OGG1: variants seen among roughly 807,000 people sequenced by gnomAD.
The protein encoded by OGG1 is 8-oxoguanine DNA glycosylase.
A neutral mutation model predicts 42.3 loss-of-function variants in OGG1; 35 were observed. The ratio of observed to expected loss-of-function variants is 0.83; its 90% confidence interval spans 0.63 to 1.10. The LOEUF is 1.10. Among genes scored for constraint, OGG1 ranks in the 50% least tolerant of loss-of-function variants. OGG1 has a pLI of 0.00. For synonymous variants in OGG1, 189 were observed against 179.0 expected (o/e 1.06, Z -0.44); for missense variants, 484 against 446.7 (o/e 1.08, Z -0.75).
chr3:9,757,075 C>T lies in OGG1; in HGVS notation c.963C>T (p.Ala321=), dbSNP rs543431379. 45 of 1,614,096 alleles carry T rather than the reference C, an allele frequency of 2.8e-5. No individual in the cohort carries two copies. The highest frequency in any genetic ancestry group is 9.9e-5 in the South Asian group (9 of 91,082). ...CCCTCCTACAGGTGCTGTTCAGTGC[C>T]GACCTGCGCCAATCCCGCCATGCTC... ...AGWAQAVLFS[A]DLRQSRHAQE... is the part of the protein sequence containing the mutation. Residue 321 remains alanine, a synonymous_variant, in exon 7 of 7, where the codon GCC becomes GCT. Coordinates refer to ENST00000344629, the MANE Select transcript of OGG1 (RefSeq NM_002542.6). This position sits in a 1 kb window ranked among gnomAD's most constrained non-coding sequence, Gnocchi z 4.5.
In OGG1 at chr3:9,750,059, A is replaced by G. The variant is rs1454248963; in HGVS notation, c.-228A>G. The G allele has an allele frequency of 1.7e-6, 1 of 600,164 alleles. No homozygotes were observed. Among genetic ancestry groups the G allele is most frequent in the East Asian group, 2.8e-5 (1 of 35,722 alleles). 37.2% of individuals were successfully genotyped at this position (600,164 alleles called of 1,614,324 possible). On this transcript the variant is annotated 5_prime_UTR_variant, in exon 1 of 7. Coordinates refer to ENST00000344629, the MANE Select transcript of OGG1 (RefSeq NM_002542.6). ...GTCGCAAGGAGGGGGCGGGACCTAC[A>G]CCTCAGGAAAGCCGGAGAATTGGGG...
chr3:9,765,682 C>T, intron 7 of OGG1: 1 of 1,525,562 alleles, frequency 6.6e-7, no homozygotes, highest in Non-Finnish European at 9.0e-7. Flanking sequence ...AATGATTTGT[C>T]CAAAGCAGGA....
downstream of OGG1, chr3:9,760,017 T>C (rs2077774933): frequency 5.2e-6 from 2 of 382,642 alleles, no homozygotes; most frequent in South Asian, 5.7e-5. Context: ...CCAATGCAGG[T>C]GGATCACGAG....
At chr3:9,776,976 GA>G (rs533234495) in intron 2 of OGG1, among the ~76,000 whole-genome samples, 75 of 152,312 alleles carry the variant, frequency 4.9e-4, no homozygotes, top group African/African-American at 1.8e-3. Context: ...CCCAGGCCAA[GA>G]AATAAATTTA....
downstream of OGG1, among the ~76,000 whole-genome samples, chr3:9,767,255 G>A (rs1309034421): frequency 6.6e-6 from 1 of 152,096 alleles, no homozygotes; most frequent in Non-Finnish European, 1.5e-5. Flanking sequence ...CACACACCCT[G>A]TTGTCATTTT....
Position 9,754,891 on chromosome 3 carries a change from G to A in OGG1, c.747+6G>A. ...TGCCTGGAGTGGGCACCAAGGTGAGGCCCCAGGGGGTAGGAGCTGCCCTCT... is the reference window on the plus strand; with the variant it reads ...TGCCTGGAGTGGGCACCAAGGTGAGACCCCAGGGGGTAGGAGCTGCCCTCT... On this transcript the variant is annotated splice_donor_region_variant and intron_variant, in intron 4 of 6. Transcript: ENST00000344629. The A allele has an allele frequency of 6.3e-7, 1 of 1,581,486 alleles. No homozygotes were observed. The highest frequency in any genetic ancestry group is 1.1e-5 in the South Asian group (1 of 86,974).
intron 1 of OGG1, 84 bp from the exon 2 acceptor site, chr3:9,750,861 T>A (rs56411692): frequency 4.0e-6 from 6 of 1,497,422 alleles, no homozygotes; most frequent in Admixed American, 1.7e-5. Context: ...GTTTCGTACA[T>A]GGAGCTATTG....
intron 7 of OGG1, chr3:9,762,885 C>G (rs781671491): frequency 5.6e-6 from 9 of 1,612,470 alleles, no homozygotes; most frequent in Non-Finnish European, 7.6e-6. Flanking sequence ...CCTGGGTACC[C>G]TAGCTCACCA....
chr3:9,750,211 G>A lies in OGG1; in HGVS notation c.-76G>A. On this transcript the variant is annotated 5_prime_UTR_variant, in exon 1 of 7. The change creates a premature stop within an existing upstream ORF in the 5' untranslated region. Transcript: ENST00000344629. ...GCCTTAAGGGTCGTGGTCCTTGTCT[G>A]GGCGGGGTCTTTGGGCGTCGACGAG... The A allele has an allele frequency of 1.3e-6, 2 of 1,546,964 alleles. No homozygotes were observed. The highest frequency in any genetic ancestry group is 1.7e-6 in the Non-Finnish European group (2 of 1,147,840).
At chr3:9,780,147 G>C in intron 2 of OGG1, 1 of 489,862 alleles carries the variant, frequency 2.0e-6, no homozygotes, top group Non-Finnish European at 3.6e-6. Context: ...ACCAAGCAGA[G>C]ACTAGGCCTC....
downstream of OGG1, chr3:9,757,652 C>T: frequency 6.2e-7 from 1 of 1,614,118 alleles, no homozygotes; most frequent in Non-Finnish European, 8.5e-7. The surrounding 1 kb of genome is among the most constrained non-coding windows in gnomAD (Gnocchi z 4.5). Context: ...GAGGTGGCCG[C>T]AGGGGCAGGC....
At chr3:9,774,495 G>T (rs967638444) in intron 2 of OGG1, among the ~76,000 whole-genome samples, 1 of 150,220 alleles carries the variant, frequency 6.7e-6, no homozygotes, top group African/African-American at 2.5e-5. Flanking sequence ...ACTCTACTCC[G>T]AAATGGTAGC....
At chr3:9,765,561 T>C in intron 7 of OGG1, among the ~76,000 whole-genome samples, 1 of 152,206 alleles carries the variant, frequency 6.6e-6, no homozygotes, top group South Asian at 2.1e-4. Flanking sequence ...ACATCTGTCA[T>C]GTTAGGCCAG....
downstream of OGG1, chr3:9,759,498 C>G (rs1306048914): frequency 6.2e-7 from 1 of 1,614,064 alleles, no homozygotes; most frequent in African/African-American, 1.3e-5. Flanking sequence ...CTTCCACTTG[C>G]TCTTGGCAAA....
chr3:9,769,553 A>C (rs73113552), downstream of OGG1, among the ~76,000 whole-genome samples: 85 of 151,534 alleles, frequency 5.6e-4, 5 homozygotes, highest in Non-Finnish European at 1.5e-5. Flanking sequence ...CCCCCACCCC[A>C]TGGATACCTC....
chr3:9,784,083 C>T (rs1277452104), intron 3 of OGG1: 1 of 1,614,200 alleles, frequency 6.2e-7, no homozygotes, highest in Non-Finnish European at 8.5e-7. Flanking sequence ...TTCAGCTCAG[C>T]CTGCCGTTTG....
chr3:9,774,785 A>C (rs1238703035), intron 2 of OGG1, among the ~76,000 whole-genome samples: 2 of 152,214 alleles, frequency 1.3e-5, no homozygotes, highest in Non-Finnish European at 2.9e-5. Context: ...GTAGTCCTAC[A>C]TTCTGGTGGG....
intron 3 of OGG1, among the ~76,000 whole-genome samples, chr3:9,784,962 T>C (rs561316054): frequency 6.6e-6 from 1 of 152,218 alleles, no homozygotes; most frequent in Non-Finnish European, 1.5e-5. Context: ...TCTCCACTTG[T>C]CACTCTATAA....
downstream of OGG1, among the ~76,000 whole-genome samples, chr3:9,770,849 CGGA>C (rs1053630544): frequency 6.6e-6 from 1 of 151,844 alleles, no homozygotes; most frequent in African/African-American, 2.4e-5. Context: ...TGGGGGCAGC[CGGA>C]GGAGGCACGT....
Sources: gnomAD v4.1 joint callset for allele counts (sites outside exome capture counted in the v4.1 genomes callset) on GRCh38, gnomAD v4.1.1 for gene constraint, Gnocchi (gnomAD v3.1) non-coding constraint, MANE v1.5 for transcripts, NCBI Gene and HGNC (gene_info 2026-07-23, HGNC 2026-07-21) for gene names.